Variants in MFSD1 observed in about 807,000 individuals in gnomAD.
MFSD1 encodes lysosomal dipeptide transporter MFSD1.
Under a neutral mutation model 67.1 loss-of-function variants are expected in MFSD1, and 59 were observed. The ratio of observed to expected loss-of-function variants is 0.88; its 90% CI spans 0.71 to 1.09. The LOEUF is 1.09. Among genes scored for constraint, MFSD1 ranks in the 50% least tolerant of loss-of-function variants. MFSD1 has a pLI of 0.00. For missense variants in MFSD1, 552 were observed against 566.1 expected (o/e 0.97, Z 0.25); for synonymous variants, 213 against 200.3 (o/e 1.06, Z -0.54).
Position 158,829,245 on chromosome 3 carries a change from T to C in MFSD1, c.*263T>C. ...AGAAAATTGCTGTGGAACATCCAGGTGAACTTCAGGAAAGACAGTGAAAAA... is the reference window on the plus strand; with the variant it reads ...AGAAAATTGCTGTGGAACATCCAGGCGAACTTCAGGAAAGACAGTGAAAAA... On this transcript the variant is annotated 3_prime_UTR_variant, in exon 16 of 16. Coordinates refer to ENST00000415822, the MANE Select transcript of MFSD1 (RefSeq NM_022736.4). 1 of 303,828 alleles carries C rather than the reference T, an allele frequency of 3.3e-6. No homozygotes were observed. The highest frequency in any genetic ancestry group is 5.0e-5 in the Admixed American group (1 of 19,814). 18.8% of individuals were successfully genotyped at this position (303,828 alleles called of 1,614,324 possible).
At chr3:158,819,844 G>A (rs773735679) in intron 8 of MFSD1, 97 bp downstream of exon 8, 13 of 614,394 alleles carry the variant, frequency 2.1e-5, no homozygotes, top group Non-Finnish European at 3.4e-5. Flanking sequence ...GTAAAACCAG[G>A]TGGAGCTTAA....
chr3:158,820,422 C>T (rs1363823129), intron 9 of MFSD1, 96 bp downstream of exon 9: 2 of 793,594 alleles, frequency 2.5e-6, no homozygotes, highest in Non-Finnish European at 4.2e-6. Context: ...TCTTGCTTCT[C>T]TGGTTATAGT....
At position 158,825,997 on chromosome 3, in the gene MFSD1, A is replaced by G. The variant is rs758821146; in HGVS notation, c.1289-18A>G. 4.9e-5 allele frequency: 78 copies of G among 1,605,884 alleles called. No individual in the cohort carries two copies. Among genetic ancestry groups the G allele is most frequent in the East Asian group, 2.0e-4 (9 of 44,820 alleles). Reference sequence around the variant, plus strand: ...AAGAAATACATATTTTAAGGGCCCTATGTTTTTTCACTCCTAGTGTCACTT... The same window carrying G: ...AAGAAATACATATTTTAAGGGCCCTGTGTTTTTTCACTCCTAGTGTCACTT... On this transcript the variant is annotated intron_variant, in intron 13 of 15. Coordinates refer to ENST00000415822, the MANE Select transcript of MFSD1 (RefSeq NM_022736.4).
At chr3:158,812,381 C>A (rs1187436081) in intron 6 of MFSD1, among the ~76,000 whole-genome samples, 1 of 152,130 alleles carries the variant, frequency 6.6e-6, no homozygotes, top group Non-Finnish European at 1.5e-5. Context: ...ATACATAAAT[C>A]AGATAAAAGT....
In MFSD1 at chr3:158,814,030, T is replaced by A. The variant is rs779924457; in HGVS notation, c.615T>A (p.Ser205=). The A allele has an allele frequency of 1.2e-6, 2 of 1,613,996 alleles. No homozygotes were observed. The highest frequency in any genetic ancestry group is 2.2e-5 in the South Asian group (2 of 91,080). Residue 205 remains serine, a synonymous_variant, in exon 7 of 16, where the codon TCT becomes TCA. Transcript: ENST00000415822. ...LYSKIEALLG[S]AGHTTLGITL... is the part of the protein sequence containing the mutation. ...CTAAGATTGAAGCTTTGTTAGGTTC[T>A]GCTGGTCACACAACCCTCGGGATCA...
At chr3:158,818,112 C>G (rs975299370) in intron 7 of MFSD1, among the ~76,000 whole-genome samples, 1 of 152,054 alleles carries the variant, frequency 6.6e-6, no homozygotes, top group African/African-American at 2.4e-5. Context: ...CTAACTGAAC[C>G]CTGTGGTGTG....
At chr3:158,806,623 C>T (rs1729740921) in intron 3 of MFSD1, among the ~76,000 whole-genome samples, 1 of 152,140 alleles carries the variant, frequency 6.6e-6, no homozygotes, top group Non-Finnish European at 1.5e-5. Context: ...ATTATAACCA[C>T]TTAAAATTAC....
intron 6 of MFSD1, among the ~76,000 whole-genome samples, chr3:158,809,965 T>C (rs1376754883): frequency 6.6e-6 from 1 of 152,180 alleles, no homozygotes; most frequent in Non-Finnish European, 1.5e-5. Context: ...AACTTAGAAA[T>C]GATCATGGTG....
chr3:158,825,640 T>C (rs1283540473), intron 13 of MFSD1, among the ~76,000 whole-genome samples: 1 of 152,192 alleles, frequency 6.6e-6, no homozygotes, highest in Non-Finnish European at 1.5e-5. Context: ...GACTACTATT[T>C]GGCTTCCTCT....
rs750409104 is a variant in MFSD1 at position 158,822,121 on chromosome 3, G to A, written c.1058G>A (p.Trp353Ter). Residue 353 changes from tryptophan (W) to a stop codon, truncating the protein, a stop_gained, in exon 11 of 16, where the codon TGG becomes TAG. Transcript: ENST00000415822. LOFTEE classifies it high-confidence loss of function. ...CACATGATGCTGGCCTTTACGATGT[G>A]GAACCCTTGGATTGCTATGGTAACG... ...VSHMMLAFTM[W>*]NPWIAMCLLG... 1.2e-6 allele frequency: 2 copies of A among 1,612,914 alleles called. No homozygotes were observed. Among genetic ancestry groups the A allele is most frequent in the Admixed American group, 3.3e-5 (2 of 59,958 alleles).
intron 6 of MFSD1, among the ~76,000 whole-genome samples, chr3:158,813,339 G>C (rs1226578011): frequency 2.0e-5 from 3 of 151,734 alleles, no homozygotes; most frequent in Non-Finnish European, 1.5e-5. Flanking sequence ...GTAGAGACAG[G>C]GTTTCACCAT....
At chr3:158,820,126 C>A in intron 8 of MFSD1, 89 bp from the exon 9 acceptor site, 1 of 698,084 alleles carries the variant, frequency 1.4e-6, no homozygotes. Flanking sequence ...AGATTAATCA[C>A]AAGATTTTAA....
chr3:158,820,514 T>G (rs1288965121), intron 9 of MFSD1, among the ~76,000 whole-genome samples, 188 bp downstream of exon 9: 1 of 152,224 alleles, frequency 6.6e-6, no homozygotes, highest in Non-Finnish European at 1.5e-5. Context: ...TTTATACTTT[T>G]ATTATTCTTT....
In MFSD1 at chr3:158,802,071, C is replaced by G; in HGVS notation, c.-82C>G. The G allele has an allele frequency of 6.4e-7, 1 of 1,562,334 alleles. No homozygotes were observed. Among genetic ancestry groups the G allele is most frequent in the Non-Finnish European group, 8.6e-7 (1 of 1,159,356 alleles). ...GCTCCCGGAGTCATGTGACCGCCGT[C>G]TTGACAGTGTTCCACGGGCGCTGCT... On this transcript the variant is annotated 5_prime_UTR_variant, in exon 1 of 16. Transcript: ENST00000415822.
chr3:158,816,021 T>C (rs979607072), intron 7 of MFSD1, among the ~76,000 whole-genome samples: 7 of 152,138 alleles, frequency 4.6e-5, no homozygotes, highest in African/African-American at 1.7e-4. Flanking sequence ...CCATGGTGTA[T>C]ATGTGCCACA....
At chr3:158,827,390 A>G (rs991815965) in intron 15 of MFSD1, 53 bp downstream of exon 15, 1 of 988,528 alleles carries the variant, frequency 1.0e-6, no homozygotes, top group Non-Finnish European at 1.5e-6. Flanking sequence ...CTTAAATATG[A>G]GCATTTCGTT....
At chr3:158,806,421 A>G (rs1224794343) in intron 3 of MFSD1, among the ~76,000 whole-genome samples, 1 of 152,202 alleles carries the variant, frequency 6.6e-6, no homozygotes, top group African/African-American at 2.4e-5. Context: ...TGGCATGGTC[A>G]TTTCACAAGG....
Position 158,820,228 on chromosome 3 carries a change from A to G in MFSD1, c.765A>G (p.Lys255=), listed in dbSNP as rs1730602296. 1.3e-6 allele frequency: 2 copies of G among 1,597,122 alleles called. No homozygotes were observed. Among genetic ancestry groups the G allele is most frequent in the Non-Finnish European group, 1.7e-6 (2 of 1,165,230 alleles). Residue 255 remains lysine (K), a synonymous_variant, in exon 9 of 16, where the codon AAA becomes AAG. Transcript: ENST00000415822. ...KEQGKTGEVI[K]LTDVKDFSLP... ...TTCTTCTCTAAGGTGAAGTTATTAA[A>G]TTAACTGATGTAAAGGACTTCTCCT...
intron 14 of MFSD1, among the ~76,000 whole-genome samples, chr3:158,826,388 G>T (rs1428442098): frequency 3.9e-5 from 6 of 151,906 alleles, no homozygotes; most frequent in Non-Finnish European, 8.8e-5. Context: ...TACGTTAAAA[G>T]AAATCAGAAC....
Sources: allele counts gnomAD v4.1 joint callset (sites outside exome capture counted in the v4.1 genomes callset), GRCh38; gene constraint gnomAD v4.1.1; transcripts MANE v1.5; gene names NCBI Gene and HGNC (gene_info 2026-07-23, HGNC 2026-07-21).